HIVEP3: variants seen among roughly 807,000 people sequenced by gnomAD.
HIVEP3 encodes transcription factor HIVEP3.
A neutral mutation model predicts 152.8 loss-of-function variants in HIVEP3; 49 were observed. That is an observed-to-expected ratio of 0.32 (90% confidence interval 0.26 to 0.41). The LOEUF is 0.41. HIVEP3 is among the 10% of genes least tolerant of loss of function. HIVEP3 has a pLI of 1.00. For missense variants in HIVEP3, 2,790 were observed against 3,103.3 expected, an observed-to-expected ratio of 0.90 and a Z score of 2.40; for synonymous variants, 1,269 against 1,289.0, an observed-to-expected ratio of 0.98 and a Z score of 0.33.
intron 3 of HIVEP3, among the ~76,000 whole-genome samples, chr1:41,619,978 CTCTAGT>C (rs1645023320): frequency 6.6e-6 from 1 of 152,178 alleles, no homozygotes; most frequent in Admixed American, 6.5e-5. Flanking sequence ...GTTTCAAGCT[CTCTAGT>C]GGGTGACTCA....
At chr1:41,691,477 G>A (rs1646198094) in intron 2 of HIVEP3, among the ~76,000 whole-genome samples, 2 of 152,200 alleles carry the variant, frequency 1.3e-5, no homozygotes, top group Non-Finnish European at 2.9e-5. Flanking sequence ...GGGGCCTTTG[G>A]GAGGTGATTA....
intron 1 of HIVEP3, among the ~76,000 whole-genome samples, chr1:41,880,579 G>A (rs1301520962): frequency 3.9e-5 from 6 of 152,282 alleles, no homozygotes; most frequent in African/African-American, 1.2e-4. Context: ...TGGCTTGGGT[G>A]AGGAGAAGGA....
chr1:41,686,037 G>T (rs371247298), intron 2 of HIVEP3, among the ~76,000 whole-genome samples: 1 of 151,788 alleles, frequency 6.6e-6, no homozygotes, highest in Non-Finnish European at 1.5e-5. Flanking sequence ...CTAGACTGTG[G>T]TTTTTTTGTT....
At chr1:41,858,137 A>T (rs555482708) in intron 1 of HIVEP3, among the ~76,000 whole-genome samples, 1 of 152,198 alleles carries the variant, frequency 6.6e-6, no homozygotes, top group Non-Finnish European at 1.5e-5. Flanking sequence ...AATGGAAAAC[A>T]TAAGTTTTAC....
At chr1:41,936,395 G>A (rs553608117) in intron 1 of HIVEP3, among the ~76,000 whole-genome samples, 1 of 152,214 alleles carries the variant, frequency 6.6e-6, no homozygotes, top group Admixed American at 6.5e-5. Context: ...GGAGATGGAG[G>A]GATCATATTT....
chr1:41,695,120 G>A (rs1257710985), intron 2 of HIVEP3, among the ~76,000 whole-genome samples: 1 of 152,206 alleles, frequency 6.6e-6, no homozygotes, highest in East Asian at 1.9e-4. Context: ...TTGGGTCAAA[G>A]AGCTACTGTC....
intron 5 of HIVEP3, among the ~76,000 whole-genome samples, chr1:41,538,204 T>C (rs1241979799): frequency 6.6e-6 from 1 of 152,096 alleles, no homozygotes; most frequent in Non-Finnish European, 1.5e-5. Flanking sequence ...ACTCCTGTTT[T>C]ATGAGTCTCC....
intron 1 of HIVEP3, among the ~76,000 whole-genome samples, chr1:41,735,882 G>C (rs756262863): frequency 3.3e-5 from 5 of 152,188 alleles, no homozygotes; most frequent in African/African-American, 7.2e-5. Context: ...GCTGGAGAGA[G>C]AAGGAAGCAA....
At chr1:41,688,073 C>T (rs981180137) in intron 2 of HIVEP3, among the ~76,000 whole-genome samples, 2 of 150,752 alleles carry the variant, frequency 1.3e-5, no homozygotes, top group Non-Finnish European at 2.9e-5. Context: ...TGCCTGTGGG[C>T]ACCACGGTTC....
chr1:41,773,301 G>C (rs1158195839), intron 1 of HIVEP3, among the ~76,000 whole-genome samples: 1 of 152,204 alleles, frequency 6.6e-6, no homozygotes, highest in Admixed American at 6.5e-5. Flanking sequence ...GTGATTCGCA[G>C]TTCAATATTC....
At chr1:41,731,004 A>T (rs568714170) in intron 1 of HIVEP3, among the ~76,000 whole-genome samples, 2 of 152,078 alleles carry the variant, frequency 1.3e-5, no homozygotes, top group East Asian at 3.9e-4. Context: ...ACCTCTTAAA[A>T]TCTCTCCTCT....
At chr1:41,975,386 C>A (rs112728983) in intron 1 of HIVEP3, among the ~76,000 whole-genome samples, 1 of 152,288 alleles carries the variant, frequency 6.6e-6, no homozygotes, top group South Asian at 2.1e-4. Context: ...ATCACTCCCC[C>A]ACAGTAAGAA....
At chr1:41,784,940 G>A (rs923351656) in intron 1 of HIVEP3, among the ~76,000 whole-genome samples, 7 of 152,012 alleles carry the variant, frequency 4.6e-5, no homozygotes, top group African/African-American at 1.7e-4. Flanking sequence ...TCCACATGGA[G>A]ATACACCCAA....
At chr1:42,035,376 G>A (rs1046862409) in intron 1 of HIVEP3, among the ~76,000 whole-genome samples, 3 of 152,220 alleles carry the variant, frequency 2.0e-5, no homozygotes, top group African/African-American at 7.2e-5. Flanking sequence ...CATCCTCGCC[G>A]CTCAGTCTCC....
chr1:41,726,271 C>T (rs1646750923), intron 1 of HIVEP3, among the ~76,000 whole-genome samples: 1 of 152,304 alleles, frequency 6.6e-6, no homozygotes, highest in Non-Finnish European at 1.5e-5. Flanking sequence ...CACAGGTCTA[C>T]TTCCAAAACC....
intron 1 of HIVEP3, among the ~76,000 whole-genome samples, chr1:41,872,769 G>A (rs1391168573): frequency 1.3e-5 from 2 of 152,144 alleles, no homozygotes; most frequent in Admixed American, 1.3e-4. Context: ...CTATTTGGGT[G>A]GACTGCAAGT....
At chr1:41,730,649 C>T (rs1455265341) in intron 1 of HIVEP3, among the ~76,000 whole-genome samples, 2 of 152,258 alleles carry the variant, frequency 1.3e-5, no homozygotes. Context: ...GCTCTTTGCA[C>T]GTTAATAATG....
chr1:41,799,662 CT>C (rs869254396), intron 1 of HIVEP3, among the ~76,000 whole-genome samples: 5 of 152,104 alleles, frequency 3.3e-5, no homozygotes, highest in African/African-American at 1.2e-4. Flanking sequence ...TACATTTCCT[CT>C]TTTTTTAAAA....
intron 1 of HIVEP3, among the ~76,000 whole-genome samples, chr1:41,836,922 C>G (rs1383138514): frequency 6.6e-6 from 1 of 152,136 alleles, no homozygotes; most frequent in African/African-American, 2.4e-5. Context: ...GGTCTTTTTT[C>G]CACTGTTGCT....
Sources: gnomAD v4.1 joint callset for allele counts (sites outside exome capture counted in the v4.1 genomes callset) on GRCh38, gnomAD v4.1.1 for gene constraint, MANE v1.5 for transcripts, NCBI Gene and HGNC (gene_info 2026-07-23, HGNC 2026-07-21) for gene names.